The following TRIM55 variants were observed in gnomAD, a reference collection of about 807,000 sequenced individuals.
The protein encoded by TRIM55 is tripartite motif-containing protein 55.
A neutral mutation model predicts 60.9 loss-of-function variants in TRIM55; 50 were observed. That is an observed-to-expected ratio of 0.82 (90% CI 0.65 to 1.04). TRIM55 has a LOEUF of 1.04. Among genes scored for constraint, TRIM55 ranks in the 50% least tolerant of loss-of-function variants. The pLI, the probability that TRIM55 is intolerant of heterozygous loss-of-function variation, is 0.00. For synonymous variants in TRIM55, 237 were observed against 238.1 expected (o/e 1.00, Z 0.04); for missense variants, 681 against 666.9 (o/e 1.02, Z -0.23).
intron 4 of TRIM55, among the ~76,000 whole-genome samples, chr8:66,147,726 T>C (rs1488904022): frequency 4.5e-5 from 6 of 133,464 alleles, no homozygotes; most frequent in African/African-American, 1.4e-4. Flanking sequence ...ACCTGGGAGG[T>C]GGAGCTTGCA....
the TRIM55 span, among the ~76,000 whole-genome samples, chr8:66,118,167 TCAAAAAAAAAAAAA>T: frequency 8.3e-5 from 2 of 24,092 alleles, no homozygotes; most frequent in Admixed American, 8.1e-4. Flanking sequence ...AGACTCCGTC[TCAAAAAAAAAAAAA>T]AAAAAAAAAA....
At chr8:66,140,005 C>CA (rs1166415786) in intron 4 of TRIM55, among the ~76,000 whole-genome samples, 2 of 152,158 alleles carry the variant, frequency 1.3e-5, no homozygotes, top group Non-Finnish European at 2.9e-5. Flanking sequence ...CTTAGATGCA[C>CA]AAATACCATG....
In TRIM55 at chr8:66,127,140, CAA is replaced by C. The variant is rs765207315; in HGVS notation, c.-128_-127del. ...ACCCACTCCAAACCAGGGCCTGAAACAATGTCCTCCACCGAGAGAAACGTAAA... is the reference window on the plus strand; with the variant it reads ...ACCCACTCCAAACCAGGGCCTGAAACTGTCCTCCACCGAGAGAAACGTAAA... On this transcript the variant is annotated 5_prime_UTR_variant, in exon 1 of 10. An upstream start codon of the reference 5' UTR is lost. Transcript: ENST00000315962. 4.8e-6 allele frequency: 5 copies of C among 1,046,770 alleles called. No homozygotes were observed. Among genetic ancestry groups the C allele is most frequent in the Non-Finnish European group, 6.7e-6 (5 of 740,984 alleles). 64.8% of individuals were successfully genotyped at this position (1,046,770 alleles called of 1,614,324 possible).
chr8:66,154,311 A>G lies in TRIM55; in HGVS notation c.1501A>G (p.Ser501Gly). The G allele has an allele frequency of 6.2e-7, 1 of 1,614,082 alleles. No individual in the cohort carries two copies. Among genetic ancestry groups the G allele is most frequent in the African/African-American group, 1.3e-5 (1 of 75,028 alleles). Residue 501 changes from serine (S) to glycine (G), a missense_variant, in exon 9 of 10, where the codon AGT becomes GGT. Physicochemically the swap from Ser to Gly is moderately conservative, Grantham distance 56. Coordinates refer to ENST00000315962, the MANE Select transcript of TRIM55 (RefSeq NM_184085.2). ...GGCAGCTGTGAGTGGTAAGGAAACT[A>G]GTGCACCTGCAGCTACTTCTCAGGT... ...ERAAVSGKETSAPAATSQIGF... is the reference protein window; with the variant it reads ...ERAAVSGKETGAPAATSQIGF...
chr8:66,137,229 G>A, intron 4 of TRIM55, 39 bp downstream of exon 4: 1 of 1,503,478 alleles, frequency 6.7e-7, no homozygotes, highest in Non-Finnish European at 9.2e-7. Context: ...AACCAAGCCT[G>A]CAATGCCTGG....
chr8:66,131,823 T>G (rs1425865066), intron 2 of TRIM55, among the ~76,000 whole-genome samples: 1 of 152,192 alleles, frequency 6.6e-6, no homozygotes, highest in Non-Finnish European at 1.5e-5. Context: ...CTCAAGTAGG[T>G]CATGTCCCTT....
Position 66,152,380 on chromosome 8 carries a change from A to G in TRIM55, c.989A>G (p.Asp330Gly). The change falls in exon 8 of 10, where the codon GAT becomes GGT. Residue 330 changes from aspartate (D) to glycine (G), a missense_variant. Coordinates refer to ENST00000315962, the MANE Select transcript of TRIM55 (RefSeq NM_184085.2). ...ACAAGATACCTTACCTTACCAGAAG[A>G]TGAAGATGAAGAAGAAGAAGAAGGC... is the stretch of plus-strand genomic sequence containing the variant. ...IIREIDFYRE[D>G]EDEEEEEGGE... The G allele has an allele frequency of 6.3e-7, 1 of 1,582,976 alleles. No individual in the cohort carries two copies.
the TRIM55 span, among the ~76,000 whole-genome samples, chr8:66,114,314 AG>A: frequency 8.0e-4 from 122 of 152,124 alleles, no homozygotes; most frequent in African/African-American, 2.9e-3. Context: ...CCCAAACTAG[AG>A]CTGAAAAGTC....
intron 9 of TRIM55, among the ~76,000 whole-genome samples, chr8:66,161,334 G>T (rs1453863285): frequency 6.6e-6 from 1 of 152,106 alleles, no homozygotes; most frequent in Non-Finnish European, 1.5e-5. Flanking sequence ...TCAGTTGGCT[G>T]TAAGTATTTG....
intron 1 of TRIM55, 131 bp from the exon 2 acceptor site, chr8:66,128,173 C>T: frequency 3.5e-6 from 3 of 858,764 alleles, no homozygotes; most frequent in Non-Finnish European, 5.3e-6. Context: ...TGAGAAAGCC[C>T]TGAGGGATGA....
intron 9 of TRIM55, chr8:66,155,666 A>G: frequency 6.2e-7 from 1 of 1,613,328 alleles, no homozygotes; most frequent in Non-Finnish European, 8.5e-7. Flanking sequence ...CTTATTCTTC[A>G]CTACATCTGG....
intron 3 of TRIM55, among the ~76,000 whole-genome samples, chr8:66,135,873 T>C (rs1325663516): frequency 3.9e-5 from 6 of 152,116 alleles, no homozygotes; most frequent in Admixed American, 3.3e-4. Flanking sequence ...ATCCATCTGG[T>C]ACAGATAAAA....
chr8:66,113,622 GCGGGAACGTGTC>G, the TRIM55 span: 2 of 455,678 alleles, frequency 4.4e-6, no homozygotes, highest in Non-Finnish European at 8.8e-6. Flanking sequence ...CATTCGCCCT[GCGGGAACGTGTC>G]CGGGCAGGTT....
chr8:66,173,175 T>A (rs1208285367), intron 9 of TRIM55, among the ~76,000 whole-genome samples: 1 of 152,222 alleles, frequency 6.6e-6, no homozygotes, highest in Non-Finnish European at 1.5e-5. Flanking sequence ...GTTTCCACTA[T>A]TCCTTCATAG....
At chr8:66,168,478 C>A (rs1385447457) in intron 9 of TRIM55, among the ~76,000 whole-genome samples, 1 of 152,236 alleles carries the variant, frequency 6.6e-6, no homozygotes, top group Non-Finnish European at 1.5e-5. Flanking sequence ...CTACTCACAC[C>A]TGCTTCCAGC....
At chr8:66,120,169 G>A in the TRIM55 span, among the ~76,000 whole-genome samples, 1 of 152,024 alleles carries the variant, frequency 6.6e-6, no homozygotes, top group African/African-American at 2.4e-5. Context: ...TGGGTATTCA[G>A]TACATATTTA....
chr8:66,138,922 A>G (rs1809642154), intron 4 of TRIM55, among the ~76,000 whole-genome samples: 1 of 152,176 alleles, frequency 6.6e-6, no homozygotes, highest in Non-Finnish European at 1.5e-5. Flanking sequence ...GCTAAAGGCC[A>G]TTTTCTAAAT....
At chr8:66,171,957 T>C (rs893057950) in intron 9 of TRIM55, among the ~76,000 whole-genome samples, 10 of 130,142 alleles carry the variant, frequency 7.7e-5, no homozygotes, top group Admixed American at 7.4e-4. Context: ...AATACTATTG[T>C]CTTTTCTTAT....
chr8:66,173,169 C>A (rs1292347529), intron 9 of TRIM55, among the ~76,000 whole-genome samples: 1 of 152,134 alleles, frequency 6.6e-6, no homozygotes, highest in Non-Finnish European at 1.5e-5. Flanking sequence ...CTTGATGTTT[C>A]CACTATTCCT....
Sources: allele counts gnomAD v4.1 joint callset (sites outside exome capture counted in the v4.1 genomes callset), GRCh38; gene constraint gnomAD v4.1.1; transcripts MANE v1.5; gene names NCBI Gene and HGNC (gene_info 2026-07-23, HGNC 2026-07-21).